Variants in KLHL2 observed in about 807,000 individuals in gnomAD.
KLHL2 encodes the protein kelch like family member 2.
KLHL2 carries 15 observed loss-of-function variants against 75.8 expected under a neutral mutation model. The observed-to-expected ratio is 0.20, with a 90% CI of 0.13 to 0.30. KLHL2 has a LOEUF of 0.30. Ranked by LOEUF, KLHL2 falls within the 10% of genes least tolerant of loss-of-function variation. The pLI, the probability that KLHL2 is intolerant of heterozygous loss-of-function variation, is 1.00. For missense variants in KLHL2, 381 were observed against 741.0 expected (o/e 0.51, Z 5.64); for synonymous variants, 214 against 251.9 (o/e 0.85, Z 1.42).
chr4:165,270,714 C>T (rs749164061), intron 5 of KLHL2, among the ~76,000 whole-genome samples: 6 of 152,124 alleles, frequency 3.9e-5, no homozygotes, highest in Non-Finnish European at 8.8e-5. Flanking sequence ...GAGGGGCACC[C>T]ACCTGTTTGA....
chr4:165,310,506 G>A (rs773838831), intron 9 of KLHL2, 47 bp from the exon 10 acceptor site: 1 of 1,458,178 alleles, frequency 6.9e-7, no homozygotes, highest in South Asian at 1.1e-5. Context: ...GATATTGGTG[G>A]TAGTTGAGTT....
chr4:165,266,278 C>T (rs1288795382), intron 5 of KLHL2, among the ~76,000 whole-genome samples: 1 of 152,164 alleles, frequency 6.6e-6, no homozygotes, highest in African/African-American at 2.4e-5. Context: ...GTTGCCTCTT[C>T]ACTCTGATGA....
intron 4 of KLHL2, among the ~76,000 whole-genome samples, chr4:165,243,687 G>T (rs1561001815): frequency 6.6e-6 from 1 of 152,202 alleles, no homozygotes; most frequent in South Asian, 2.1e-4. Flanking sequence ...CCATTTTATT[G>T]GTGGTATAGG....
intron 5 of KLHL2, among the ~76,000 whole-genome samples, chr4:165,266,594 G>A (rs530644989): frequency 1.3e-4 from 20 of 152,148 alleles, no homozygotes; most frequent in African/African-American, 4.3e-4. Flanking sequence ...CCCCATTGCT[G>A]GTTTTTGTCA....
At chr4:165,314,320 A>C (rs922319467) in intron 13 of KLHL2, among the ~76,000 whole-genome samples, 154 bp downstream of exon 13, 3 of 152,180 alleles carry the variant, frequency 2.0e-5, no homozygotes, top group Admixed American at 1.3e-4. Context: ...CCAGAAACTT[A>C]TGTAATAATC....
At chr4:165,243,008 T>C (rs1380988312) in intron 4 of KLHL2, among the ~76,000 whole-genome samples, 1 of 152,202 alleles carries the variant, frequency 6.6e-6, no homozygotes, top group Non-Finnish European at 1.5e-5. Flanking sequence ...GGTTAAATAA[T>C]TTGCTCAGCA....
chr4:165,291,897 C>T (rs1744543256), intron 5 of KLHL2, among the ~76,000 whole-genome samples: 1 of 151,720 alleles, frequency 6.6e-6, no homozygotes, highest in Non-Finnish European at 1.5e-5. Flanking sequence ...TGGTGTGATC[C>T]TAGCTCACTG....
intron 1 of KLHL2, 72 bp from the exon 2 acceptor site, chr4:165,219,862 A>G: frequency 7.0e-7 from 1 of 1,425,684 alleles, no homozygotes; most frequent in Admixed American, 2.6e-5. Context: ...TCTCTCTTGT[A>G]GCTTGATAAG....
rs138473742 is a variant in KLHL2, at chr4:165,271,874, C to G, written c.544+8515C>G. On this transcript the variant is annotated intron_variant, in intron 5 of 14. Coordinates refer to ENST00000226725, the MANE Select transcript of KLHL2 (RefSeq NM_007246.4). Reference sequence around the variant, plus strand: ...CTTCCCCAGATTTCAAATGCAGGAGCCTTTTGTCTAAACTGCTTCAGTGTG... The same window carrying G: ...CTTCCCCAGATTTCAAATGCAGGAGGCTTTTGTCTAAACTGCTTCAGTGTG... 6.3e-3 allele frequency among the ~76,000 whole-genome samples: 960 copies of G among 152,172 alleles called. 42 individuals are homozygous for G. The highest frequency in any genetic ancestry group is 0.057 in the Admixed American group (870 of 15,278).
At chr4:165,251,178 GGTT>G (rs1740672017) in intron 4 of KLHL2, among the ~76,000 whole-genome samples, 1 of 151,272 alleles carries the variant, frequency 6.6e-6, no homozygotes, top group Non-Finnish European at 1.5e-5. Context: ...CAGGATTAGT[GGTT>G]GTTTATGATA....
chr4:165,264,762 ATAT>A (rs1560784381), intron 5 of KLHL2, among the ~76,000 whole-genome samples: 1 of 100,658 alleles, frequency 9.9e-6, no homozygotes, highest in Non-Finnish European at 1.9e-5. Flanking sequence ...ATATATATAT[ATAT>A]AAAACATTAT....
intron 5 of KLHL2, among the ~76,000 whole-genome samples, chr4:165,290,323 T>A (rs1232819129): frequency 6.6e-6 from 1 of 151,976 alleles, no homozygotes; most frequent in Non-Finnish European, 1.5e-5. Flanking sequence ...TTTGTAGAGA[T>A]GGTGTTTTAC....
At chr4:165,266,333 C>T (rs1470796518) in intron 5 of KLHL2, among the ~76,000 whole-genome samples, 3 of 152,174 alleles carry the variant, frequency 2.0e-5, no homozygotes, top group African/African-American at 7.2e-5. Flanking sequence ...AATTAGATCC[C>T]ATTTGTCAAT....
chr4:165,258,337 A>T lies in KLHL2; in HGVS notation c.382-4860A>T, dbSNP rs145684139. Among the ~76,000 whole-genome samples, 108 of 151,286 alleles carry T rather than the reference A, an allele frequency of 7.1e-4. 2 individuals carry two copies. In the East Asian group the frequency reaches 0.021, roughly 29 times the overall value. ...GGCAGAATTTTTTTTTTCATATCAT[A>T]CCAAGAGTACTGTATAGAAATCCAA... On this transcript the variant is annotated intron_variant, in intron 4 of 14. Transcript: ENST00000226725.
intron 1 of KLHL2, among the ~76,000 whole-genome samples, chr4:165,214,101 G>C (rs962216575): frequency 6.6e-6 from 1 of 152,094 alleles, no homozygotes; most frequent in Admixed American, 6.6e-5. Context: ...ACAATTTTGG[G>C]CTTCTTTCTG....
rs1560818887 is a variant in KLHL2 at position 165,299,492 on chromosome 4, GA to G, written c.772-14del. The G allele has an allele frequency of 6.3e-7, 1 of 1,596,010 alleles. No homozygotes were observed. The highest frequency in any genetic ancestry group is 8.5e-7 in the Non-Finnish European group (1 of 1,171,094). ...AGCCCTACCCTCAGTGGGTGTGTCT[GA>G]TTTCTTGTTACAGAGGGTTGAAGAG... is the stretch of plus-strand genomic sequence containing the variant. On this transcript the variant is annotated splice_polypyrimidine_tract_variant and intron_variant, in intron 7 of 14. Coordinates refer to ENST00000226725, the MANE Select transcript of KLHL2 (RefSeq NM_007246.4).
intron 1 of KLHL2, among the ~76,000 whole-genome samples, chr4:165,217,795 A>G (rs1737651410): frequency 1.3e-5 from 2 of 152,142 alleles, no homozygotes; most frequent in Non-Finnish European, 2.9e-5. Context: ...TTTTCTCTCC[A>G]GCTCTAGACT....
intron 2 of KLHL2, among the ~76,000 whole-genome samples, chr4:165,220,847 A>G (rs1737927255): frequency 6.6e-6 from 1 of 152,222 alleles, no homozygotes; most frequent in Non-Finnish European, 1.5e-5. Flanking sequence ...ACTTTTAAGT[A>G]GTATTAAAAG....
At chr4:165,264,735 T>TATATATAC (rs1742071423) in intron 5 of KLHL2, among the ~76,000 whole-genome samples, 1 of 79,794 alleles carries the variant, frequency 1.3e-5, no homozygotes, top group Non-Finnish European at 2.5e-5. Flanking sequence ...TATATATATA[T>TATATATAC]ATATGTATAT....
Sources: allele counts gnomAD v4.1 joint callset (sites outside exome capture counted in the v4.1 genomes callset), GRCh38; gene constraint gnomAD v4.1.1; transcripts MANE v1.5; gene names NCBI Gene and HGNC (gene_info 2026-07-23, HGNC 2026-07-21).